The following MTMR14 variants were observed in gnomAD, a reference collection of about 807,000 sequenced individuals.
The protein encoded by MTMR14 is phosphatidylinositol-3,5-bisphosphate 3-phosphatase MTMR14.
A neutral mutation model predicts 86.3 loss-of-function variants in MTMR14; 48 were observed. That is an observed-to-expected ratio of 0.56 (90% CI 0.44 to 0.71). MTMR14 has a LOEUF of 0.71. Among genes scored for constraint, MTMR14 ranks in the 30% least tolerant of loss-of-function variants. MTMR14 has a pLI of 0.00. For missense variants in MTMR14, 780 were observed against 834.6 expected (o/e 0.93, Z 0.81); for synonymous variants, 366 against 326.1 (o/e 1.12, Z -1.32).
chr3:9,653,887 T>A, intron 2 of MTMR14, 118 bp downstream of exon 2: 1 of 1,393,754 alleles, frequency 7.2e-7, no homozygotes. Flanking sequence ...TTAATCCTTA[T>A]TGGCATTTTT....
chr3:9,680,462 T>C (rs2125226570), intron 9 of MTMR14, among the ~76,000 whole-genome samples: 1 of 152,324 alleles, frequency 6.6e-6, no homozygotes, highest in South Asian at 2.1e-4. Flanking sequence ...TGACTTCCCA[T>C]TTTCCTCAGA....
chr3:9,697,644 C>A, intron 17 of MTMR14, 67 bp from the exon 18 acceptor site: 1 of 1,572,084 alleles, frequency 6.4e-7, no homozygotes, highest in Non-Finnish European at 8.7e-7. Flanking sequence ...CCCCTAGCCC[C>A]CTCCAGAGCC....
In MTMR14 at chr3:9,690,025, G is replaced by A; in HGVS notation, c.1495G>A (p.Asp499Asn). 2 of 1,612,506 alleles carry A rather than the reference G, an allele frequency of 1.2e-6. No individual in the cohort carries two copies. The highest frequency in any genetic ancestry group is 1.7e-6 in the Non-Finnish European group (2 of 1,179,920). Residue 499 changes from aspartate (D) to asparagine (N), a missense_variant, in exon 17 of 19, where the codon GAC becomes AAC. By Grantham distance (23) the Asp-to-Asn change is conservative. Coordinates refer to ENST00000296003, the MANE Select transcript of MTMR14 (RefSeq NM_001077525.3). ...VLWNRPQPSE[D>N]RLPSQQGLAE... ...CTGGAACCGGCCACAACCCTCAGAG[G>A]ACCGCTTGCCTTCCCAGCAGGGGCT...
At chr3:9,669,523 T>G (rs1208625931) in intron 5 of MTMR14, 31 bp downstream of exon 5, 1 of 1,603,408 alleles carries the variant, frequency 6.2e-7, no homozygotes, top group Admixed American at 1.7e-5. Context: ...GTCAGGGGCT[T>G]GTGTTGGGGA....
intron 5 of MTMR14, 31 bp from the exon 6 acceptor site, chr3:9,671,017 T>G (rs1473750401): frequency 6.2e-7 from 1 of 1,613,782 alleles, no homozygotes; most frequent in African/African-American, 1.3e-5. Flanking sequence ...GAACATGCCA[T>G]GTAACTTCTC....
At position 9,677,840 on chromosome 3, in the gene MTMR14, T is replaced by C. The variant is rs2075633131; in HGVS notation, c.823-144T>C. ...TCTGGTCACATTGATTTTTAAGCTG[T>C]CACTCCCAGGTAGCACAGGTATCTG... On this transcript the variant is annotated intron_variant, in intron 8 of 18. Transcript: ENST00000296003. The surrounding 1 kb of genome is among the most constrained non-coding windows in gnomAD (Gnocchi z 4.2). 2 of 666,730 alleles carry C rather than the reference T, an allele frequency of 3.0e-6. No individual in the cohort carries two copies. Among genetic ancestry groups the C allele is most frequent in the Non-Finnish European group, 5.2e-6 (2 of 382,274 alleles). 41.3% of individuals were successfully genotyped at this position (666,730 alleles called of 1,614,324 possible). A position where few individuals can be genotyped will look rare whatever the true frequency, so the allele number is the denominator to read the frequency against.
chr3:9,685,201 C>CT lies in MTMR14; in HGVS notation c.1128-4dup, dbSNP rs1559602098. 1.2e-6 allele frequency: 2 copies of CT among 1,614,156 alleles called. No homozygotes were observed. The highest frequency in any genetic ancestry group is 2.7e-5 in the African/African-American group (2 of 75,030). On this transcript the variant is annotated splice_polypyrimidine_tract_variant and intron_variant, in intron 12 of 18. Transcript: ENST00000296003. ...CTGCTGACTTTGCCTCTCTACCCTC[C>CT]TTTTTTCAGGCACATGTTGGTAGAT...
rs2076044215 is a variant in MTMR14 at position 9,688,770 on chromosome 3, C to A, written c.1294+16C>A. 47 of 1,614,084 alleles carry A rather than the reference C, an allele frequency of 2.9e-5. No homozygotes were observed. The highest frequency in any genetic ancestry group is 3.7e-5 in the Non-Finnish European group (44 of 1,180,002). On this transcript the variant is annotated intron_variant, in intron 15 of 18. Transcript: ENST00000296003. The stretch of plus-strand genomic sequence containing the variant: ...TGCATGCTGAGTGAGTCCTGGGCCC[C>A]AACAGACTTCCCTTCCTCCATACAT...
chr3:9,688,171 G>A (rs1195315498), intron 14 of MTMR14, among the ~76,000 whole-genome samples: 2 of 152,200 alleles, frequency 1.3e-5, no homozygotes, highest in African/African-American at 2.4e-5. Context: ...CAAGAAAACA[G>A]GTGTGTTGCT....
At chr3:9,693,595 G>C (rs530322931) in intron 17 of MTMR14, among the ~76,000 whole-genome samples, 36 of 152,326 alleles carry the variant, frequency 2.4e-4, no homozygotes, top group African/African-American at 7.7e-4. Flanking sequence ...TATATTTCCT[G>C]TGTGTTCAGT....
At chr3:9,665,187 C>T (rs1301803664) in intron 3 of MTMR14, among the ~76,000 whole-genome samples, 1 of 149,924 alleles carries the variant, frequency 6.7e-6, no homozygotes, top group Non-Finnish European at 1.5e-5. Flanking sequence ...GAGGCTGAGG[C>T]AGGAGAATTG....
At chr3:9,672,589 A>C in intron 6 of MTMR14, 96 bp from the exon 7 acceptor site, 85 of 1,009,784 alleles carry the variant, frequency 8.4e-5, no homozygotes, top group Middle Eastern at 2.0e-4. Context: ...TTTTTTTAGC[A>C]GAAGCTTCAT....
chr3:9,689,268 C>T (rs746513784), intron 16 of MTMR14, among the ~76,000 whole-genome samples, 186 bp downstream of exon 16: 3 of 152,206 alleles, frequency 2.0e-5, no homozygotes, highest in Non-Finnish European at 4.4e-5. Context: ...AAGGGCACTG[C>T]CTGTGGTGGC....
chr3:9,672,640 T>C, intron 6 of MTMR14, 45 bp from the exon 7 acceptor site: 2 of 1,484,502 alleles, frequency 1.3e-6, no homozygotes, highest in Non-Finnish European at 1.9e-6. Flanking sequence ...TGTGTGTTTG[T>C]GTGTGTGTTG....
At chr3:9,680,746 A>G (rs1424956403) in intron 9 of MTMR14, among the ~76,000 whole-genome samples, 1 of 152,238 alleles carries the variant, frequency 6.6e-6, no homozygotes, top group African/African-American at 2.4e-5. Flanking sequence ...CTGAGGCAGG[A>G]GAATGGCGTG....
chr3:9,658,884 T>G (rs1286678255), intron 2 of MTMR14, among the ~76,000 whole-genome samples: 1 of 152,242 alleles, frequency 6.6e-6, no homozygotes, highest in Non-Finnish European at 1.5e-5. Context: ...TAACAGCATT[T>G]TCTTCTGTAT....
At chr3:9,673,659 T>C (rs958163519) in intron 7 of MTMR14, among the ~76,000 whole-genome samples, 3 of 152,150 alleles carry the variant, frequency 2.0e-5, no homozygotes, top group African/African-American at 7.2e-5. Flanking sequence ...TCTAGTGCCT[T>C]GTGGGAGGGG....
In MTMR14 at chr3:9,702,201, C is replaced by CA; in HGVS notation, c.*229dup. On this transcript the variant is annotated 3_prime_UTR_variant, in exon 19 of 19. Transcript: ENST00000296003. ...CCCCTTCTTGTCACTGTCTCCCACC[C>CA]ACCCCATCTTTGCTGGGATTCCCAT... is the stretch of plus-strand genomic sequence containing the variant. The CA allele has an allele frequency of 1.7e-6, 1 of 597,820 alleles. No individual in the cohort carries two copies. The highest frequency in any genetic ancestry group is 3.0e-6 in the Non-Finnish European group (1 of 333,510). 37.0% of individuals were successfully genotyped at this position (597,820 alleles called of 1,614,324 possible).
intron 3 of MTMR14, among the ~76,000 whole-genome samples, chr3:9,663,469 CA>C (rs2048054969): frequency 7.7e-6 from 1 of 129,544 alleles, no homozygotes; most frequent in Admixed American, 8.0e-5. Flanking sequence ...AAAGTTATTG[CA>C]ACTTTTTTTT....
Sources: gnomAD v4.1 joint callset for allele counts (sites outside exome capture counted in the v4.1 genomes callset) on GRCh38, gnomAD v4.1.1 for gene constraint, Gnocchi (gnomAD v3.1) non-coding constraint, MANE v1.5 for transcripts, NCBI Gene and HGNC (gene_info 2026-07-23, HGNC 2026-07-21) for gene names.